PRDM11: variants seen among roughly 807,000 people sequenced by gnomAD.
The protein encoded by PRDM11 is PR/SET domain 11, also known as PR domain-containing protein 11.
In PRDM11, 20 loss-of-function variants were observed where a neutral mutation model predicts 97.8. That is an observed-to-expected ratio of 0.20 (90% CI 0.14 to 0.30). The LOEUF (loss-of-function observed/expected upper bound fraction) is 0.30, where lower values mean the gene tolerates loss of function less well. Ranked by LOEUF, PRDM11 falls within the 10% of genes least tolerant of loss-of-function variation. The pLI is 1.00. For synonymous variants in PRDM11, 599 were observed against 637.7 expected, an observed-to-expected ratio of 0.94 and a Z score of 0.91; for missense variants, 1,139 against 1,555.2, an observed-to-expected ratio of 0.73 and a Z score of 4.50.
chr11:45,106,911 G>T (rs1852071995), intron 1 of PRDM11, among the ~76,000 whole-genome samples: 1 of 152,238 alleles, frequency 6.6e-6, no homozygotes, highest in Non-Finnish European at 1.5e-5. Flanking sequence ...GTTGGGCTCA[G>T]ATTGAGCACT....
At chr11:45,166,793 C>T (rs76951375) in intron 1 of PRDM11, among the ~76,000 whole-genome samples, 1,708 of 152,364 alleles carry the variant, frequency 0.011, 17 homozygotes, top group Middle Eastern at 0.024. Context: ...TTCTGAGCTG[C>T]ACCTGCCTTC....
upstream of PRDM11, among the ~76,000 whole-genome samples, chr11:45,145,824 G>A (rs1229362664): frequency 2.0e-5 from 3 of 152,142 alleles, no homozygotes; most frequent in African/African-American, 4.8e-5. Context: ...AGGCGCTCAG[G>A]AAAGCATGTC....
In PRDM11 at chr11:45,220,414, G is replaced by A. The variant is rs544304757; in HGVS notation, c.742+657G>A. On this transcript the variant is annotated intron_variant, in intron 6 of 7. Coordinates refer to ENST00000683152, the MANE Select transcript of PRDM11 (RefSeq NM_001384648.1). ...TGGAGTCATGGACATGTGGCATTTAGGACAATGCCCACCTCCATCATCAGA... is the reference window on the plus strand; with the variant it reads ...TGGAGTCATGGACATGTGGCATTTAAGACAATGCCCACCTCCATCATCAGA... Among the ~76,000 whole-genome samples the A allele has an allele frequency of 7.9e-5, 12 of 152,318 alleles. No homozygotes were observed. In the South Asian group the frequency reaches 2.5e-3, roughly 32 times the overall value.
In PRDM11 at chr11:45,226,847, G is replaced by T; in HGVS notation, c.2222G>T (p.Arg741Leu). The change falls in exon 8 of 8, where the codon CGT becomes CTT. Residue 741 changes from arginine to leucine, a missense_variant. Physicochemically the swap from Arg to Leu is moderately radical, Grantham distance 102. Coordinates refer to ENST00000683152, the MANE Select transcript of PRDM11 (RefSeq NM_001384648.1). ...GGAGCCAACATCACAGCCAGCCTCC[G>T]TGCCAGCATGTTCATGACCATCCGC... ...VDGANITASL[R>L]ASMFMTIRKT... is the part of the protein sequence containing the mutation. The T allele has an allele frequency of 6.5e-7, 1 of 1,533,338 alleles. No homozygotes were observed. Among genetic ancestry groups the T allele is most frequent in the Non-Finnish European group, 8.7e-7 (1 of 1,146,580 alleles). The allele number at this position is 1,533,338 out of a possible 1,614,324, so 95.0% of individuals were successfully genotyped here. A position where few individuals can be genotyped will look rare whatever the true frequency, so the allele number is the denominator to read the frequency against.
chr11:45,197,076 G>A lies in PRDM11; in HGVS notation c.487-7635G>A, dbSNP rs557630245. Among the ~76,000 whole-genome samples the A allele has an allele frequency of 2.0e-5, 3 of 152,248 alleles. No homozygotes were observed. In the East Asian group the frequency reaches 5.8e-4, roughly 29 times the overall value. On this transcript the variant is annotated intron_variant, in intron 4 of 7. Coordinates refer to ENST00000683152, the MANE Select transcript of PRDM11 (RefSeq NM_001384648.1). Reference sequence around the variant, plus strand: ...GTTTCAGGAATGGTTGAGGGTGGGAGGTGAAATCAAAGTGTATAAAACCTG... The same window carrying A: ...GTTTCAGGAATGGTTGAGGGTGGGAAGTGAAATCAAAGTGTATAAAACCTG...
At chr11:45,191,641 A>G (rs1852916412) in intron 4 of PRDM11, among the ~76,000 whole-genome samples, 1 of 151,938 alleles carries the variant, frequency 6.6e-6, no homozygotes, top group Non-Finnish European at 1.5e-5. Context: ...CCCCATCATT[A>G]TTTTAGCACT....
rs183421570 is a variant in PRDM11 at position 45,217,441 on chromosome 11, A to G, written c.555-2129A>G. Among the ~76,000 whole-genome samples, 272 of 152,336 alleles carry G rather than the reference A, an allele frequency of 1.8e-3. 1 individual carries two copies. The highest frequency in any genetic ancestry group is 6.9e-3 in the Admixed American group (106 of 15,306). ...ACCGATGTGTTGGGGCTAACAGAGA[A>G]CACAGACCTAGGACAAGATGCAAAT... is the stretch of plus-strand genomic sequence containing the variant. On this transcript the variant is annotated intron_variant, in intron 5 of 7. Coordinates refer to ENST00000683152, the MANE Select transcript of PRDM11 (RefSeq NM_001384648.1).
intron 4 of PRDM11, among the ~76,000 whole-genome samples, chr11:45,190,820 T>TA (rs976200349): frequency 6.6e-5 from 10 of 152,080 alleles, no homozygotes; most frequent in African/African-American, 2.4e-4. Flanking sequence ...TTTTAGTCAT[T>TA]AAAAAAATGC....
In PRDM11 at chr11:45,182,352, A is replaced by G; in HGVS notation, c.223+3A>G. Reference sequence around the variant, plus strand: ...CTTCCAGCAAGTGGACTTCTGGTGTAAGTGGAGCTTGGGGCTCTGGGCTGC... The same window carrying G: ...CTTCCAGCAAGTGGACTTCTGGTGTGAGTGGAGCTTGGGGCTCTGGGCTGC... On this transcript the variant is annotated splice_donor_region_variant and intron_variant, in intron 3 of 7. Transcript: ENST00000683152. 1 of 1,612,998 alleles carries G rather than the reference A, an allele frequency of 6.2e-7. No homozygotes were observed. Among genetic ancestry groups the G allele is most frequent in the Non-Finnish European group, 8.5e-7 (1 of 1,179,278 alleles).
chr11:45,186,114 C>T (rs1195627829), intron 4 of PRDM11, among the ~76,000 whole-genome samples: 1 of 152,116 alleles, frequency 6.6e-6, no homozygotes, highest in African/African-American at 2.4e-5. Context: ...GACTTCTGAC[C>T]TCTAGAACTA....
intron 5 of PRDM11, among the ~76,000 whole-genome samples, chr11:45,207,296 T>A (rs2863165): frequency 0.34 from 52,289 of 152,110 alleles, 9,853 homozygotes; most frequent in Admixed American, 0.45. Flanking sequence ...GAATGGACTC[T>A]GTTAGTTTCT....
rs1344442614 is a variant in PRDM11, at chr11:45,231,191, A to G, written c.*3032A>G. 1 of 152,136 alleles carries G rather than the reference A, an allele frequency of 6.6e-6. No individual in the cohort carries two copies. Among genetic ancestry groups the G allele is most frequent in the African/African-American group, 2.4e-5 (1 of 41,430 alleles). 9.4% of individuals were successfully genotyped at this position (152,136 alleles called of 1,614,324 possible). A position where few individuals can be genotyped will look rare whatever the true frequency, so the allele number is the denominator to read the frequency against. ...ATAATTTGGGTGATACACCACTGCA[A>G]TTTACACGGGGTCTCTTCTCAGCTT... On this transcript the variant is annotated 3_prime_UTR_variant, in exon 8 of 8. Coordinates refer to ENST00000683152, the MANE Select transcript of PRDM11 (RefSeq NM_001384648.1).
intron 1 of PRDM11, among the ~76,000 whole-genome samples, chr11:45,168,549 C>T (rs1852125404): frequency 6.6e-6 from 1 of 152,152 alleles, no homozygotes; most frequent in South Asian, 2.1e-4. Flanking sequence ...CTCTGGGTCT[C>T]ACTTTCCTTG....
At position 45,224,813 on chromosome 11, in the gene PRDM11, C is replaced by CCACA. The variant is rs1186930561; in HGVS notation, c.1339_1340insCACA (p.Leu447ProfsTer26). On this transcript the variant is annotated frameshift_variant, in exon 7 of 8. Coordinates refer to ENST00000683152, the MANE Select transcript of PRDM11 (RefSeq NM_001384648.1). LOFTEE classifies it high-confidence loss of function. The stretch of plus-strand genomic sequence containing the variant: ...GCCCCCCGTATTGCCACCACAGGTA[C>CCACA]TGGAGCTCCCAGAGTTCTCGGACCC... The CCACA allele has an allele frequency of 6.2e-7, 1 of 1,614,018 alleles. No homozygotes were observed. Among genetic ancestry groups the CCACA allele is most frequent in the Non-Finnish European group, 8.5e-7 (1 of 1,180,044 alleles).
At chr11:45,193,214 T>C (rs943221612) in intron 4 of PRDM11, among the ~76,000 whole-genome samples, 1 of 152,240 alleles carries the variant, frequency 6.6e-6, no homozygotes, top group African/African-American at 2.4e-5. Context: ...GTAGCTGCGA[T>C]CACAGGAGTG....
chr11:45,116,369 A>G (rs1409538877), intron 1 of PRDM11, among the ~76,000 whole-genome samples: 1 of 152,196 alleles, frequency 6.6e-6, no homozygotes, highest in Non-Finnish European at 1.5e-5. Context: ...TAGAACATTC[A>G]CCAAGACATA....
At chr11:45,180,674 G>C (rs1236810832) in intron 1 of PRDM11, among the ~76,000 whole-genome samples, 1 of 150,312 alleles carries the variant, frequency 6.7e-6, no homozygotes. Flanking sequence ...CTGGCGGGCG[G>C]GGGGCGGGCG....
chr11:45,190,120 TACACACACACGTGC>T (rs961247407), intron 4 of PRDM11, among the ~76,000 whole-genome samples: 1 of 151,552 alleles, frequency 6.6e-6, no homozygotes, highest in Non-Finnish European at 1.5e-5. Context: ...TTACACCACC[TACACACACACGTGC>T]ACACACACAC....
intron 4 of PRDM11, among the ~76,000 whole-genome samples, chr11:45,185,535 A>C (rs77710114): frequency 2.0e-5 from 3 of 151,994 alleles, no homozygotes; most frequent in African/African-American, 7.2e-5. Flanking sequence ...GAAAGACTTT[A>C]GCATCCTCAA....
Sources: gnomAD v4.1 joint callset for allele counts (sites outside exome capture counted in the v4.1 genomes callset) on GRCh38, gnomAD v4.1.1 for gene constraint, MANE v1.5 for transcripts, NCBI Gene and HGNC (gene_info 2026-07-23, HGNC 2026-07-21) for gene names.